Variants in HOOK3 observed in about 807,000 individuals in gnomAD.
HOOK3 encodes the protein hook microtubule tethering protein 3, also known as protein Hook homolog 3.
In HOOK3, 24 loss-of-function variants were observed where a neutral mutation model predicts 116.3. The observed-to-expected ratio is 0.21, with a 90% CI of 0.15 to 0.29. HOOK3 has a LOEUF of 0.29. Ranked by LOEUF, HOOK3 falls within the 10% of genes least tolerant of loss-of-function variation. The pLI, the probability that HOOK3 is intolerant of heterozygous loss-of-function variation, is 1.00. For missense variants in HOOK3, 632 were observed against 830.2 expected (o/e 0.76, Z 2.93); for synonymous variants, 275 against 283.0 (o/e 0.97, Z 0.28).
chr8:42,906,652 C>T (rs536952939), intron 2 of HOOK3, among the ~76,000 whole-genome samples: 1 of 152,250 alleles, frequency 6.6e-6, no homozygotes, highest in South Asian at 2.1e-4. Context: ...AACGACAATT[C>T]CCTTATACTT....
At chr8:43,012,229 G>A (rs760213823) in intron 19 of HOOK3, among the ~76,000 whole-genome samples, 2 of 152,216 alleles carry the variant, frequency 1.3e-5, no homozygotes, top group Non-Finnish European at 2.9e-5. Context: ...ATTGTAGAGT[G>A]TACTTATGCA....
intron 2 of HOOK3, among the ~76,000 whole-genome samples, chr8:42,919,679 G>A (rs1048426252): frequency 3.3e-5 from 5 of 152,216 alleles, no homozygotes; most frequent in African/African-American, 4.8e-5. Flanking sequence ...GCGAGACTCC[G>A]TCTGCAATCC....
chr8:42,929,075 A>G (rs1261880429), intron 3 of HOOK3, among the ~76,000 whole-genome samples: 2 of 152,124 alleles, frequency 1.3e-5, no homozygotes, highest in Non-Finnish European at 2.9e-5. Flanking sequence ...TAAAGATAAG[A>G]TGTAGCTTTT....
chr8:42,951,895 C>T (rs767471781), intron 6 of HOOK3, among the ~76,000 whole-genome samples: 7 of 151,358 alleles, frequency 4.6e-5, no homozygotes, highest in Non-Finnish European at 5.9e-5. Flanking sequence ...GAGTTGAGAT[C>T]GCACCACTGT....
intron 8 of HOOK3, among the ~76,000 whole-genome samples, chr8:42,962,345 TA>T (rs1487453185): frequency 1.4e-5 from 2 of 147,034 alleles, no homozygotes; most frequent in Non-Finnish European, 3.0e-5. Context: ...CAAGCAGTCC[TA>T]CCAACTTGGC....
chr8:43,026,059 G>C lies in HOOK3; in HGVS notation c.*7561G>C, dbSNP rs895225540. The C allele has an allele frequency of 4.8e-6, 1 of 208,172 alleles. No individual in the cohort carries two copies. Among genetic ancestry groups the C allele is most frequent in the Non-Finnish European group, 9.8e-6 (1 of 102,194 alleles). The allele number at this position is 208,172 out of a possible 1,614,324, so 12.9% of individuals were successfully genotyped here. On this transcript the variant is annotated 3_prime_UTR_variant, in exon 22 of 22. Transcript: ENST00000307602. ...GAGAGAAAGAAGACTACCAAAGCAT[G>C]TTGAGGCTTTAACATGGGAGACTTC...
At chr8:42,955,379 C>T (rs1808414658) in intron 6 of HOOK3, among the ~76,000 whole-genome samples, 1 of 152,110 alleles carries the variant, frequency 6.6e-6, no homozygotes, top group South Asian at 2.1e-4. Flanking sequence ...CGTGGGATGA[C>T]TTTAGCAGTC....
chr8:42,953,348 G>A (rs564099239), intron 6 of HOOK3, among the ~76,000 whole-genome samples: 2 of 150,862 alleles, frequency 1.3e-5, no homozygotes, highest in Non-Finnish European at 2.9e-5. Context: ...GGTGGATCAC[G>A]AGGTCAGGAG....
chr8:42,910,217 T>C (rs1284792777), intron 2 of HOOK3, among the ~76,000 whole-genome samples: 1 of 152,102 alleles, frequency 6.6e-6, no homozygotes, highest in Non-Finnish European at 1.5e-5. Flanking sequence ...TTTGAAAATT[T>C]TTTTTCATGA....
intron 2 of HOOK3, among the ~76,000 whole-genome samples, chr8:42,918,318 A>C (rs1450385292): frequency 6.6e-6 from 1 of 152,248 alleles, no homozygotes; most frequent in African/African-American, 2.4e-5. Flanking sequence ...AGCCTGGGCA[A>C]CAAAGCGAGA....
At chr8:42,916,963 ATTAAAG>A (rs1807545181) in intron 2 of HOOK3, among the ~76,000 whole-genome samples, 1 of 152,138 alleles carries the variant, frequency 6.6e-6, no homozygotes, top group Admixed American at 6.5e-5. Context: ...GACCCCACAA[ATTAAAG>A]TTAAGGTCCC....
intron 13 of HOOK3, among the ~76,000 whole-genome samples, chr8:42,974,731 C>T (rs1327331910): frequency 6.6e-6 from 1 of 152,194 alleles, no homozygotes. Context: ...CCAAATTAGT[C>T]ACACCTGCCT....
At chr8:42,960,882 G>T (rs1229976193) in intron 8 of HOOK3, among the ~76,000 whole-genome samples, 1 of 152,104 alleles carries the variant, frequency 6.6e-6, no homozygotes, top group East Asian at 1.9e-4. Context: ...TTGTTGTAAA[G>T]AAATACCCAA....
At chr8:43,010,099 T>C (rs897823122) in intron 18 of HOOK3, among the ~76,000 whole-genome samples, 1 of 148,546 alleles carries the variant, frequency 6.7e-6, no homozygotes, top group African/African-American at 2.4e-5. Flanking sequence ...AGAAAATCTT[T>C]TTGTAAAAAA....
At chr8:43,006,543 G>A (rs1455655060) in intron 17 of HOOK3, among the ~76,000 whole-genome samples, 1 of 151,956 alleles carries the variant, frequency 6.6e-6, no homozygotes, top group Non-Finnish European at 1.5e-5. Flanking sequence ...GGCTGGTCTC[G>A]AACTCCTGAG....
At chr8:42,934,613 G>C (rs111428057) in intron 4 of HOOK3, among the ~76,000 whole-genome samples, 3 of 151,516 alleles carry the variant, frequency 2.0e-5, no homozygotes, top group Non-Finnish European at 4.4e-5. Flanking sequence ...TCACTGTTCA[G>C]TTCCCACCCA....
Position 43,010,355 on chromosome 8 carries a change from A to G in HOOK3, c.1789A>G (p.Met597Val), listed in dbSNP as rs978853867. The change falls in exon 19 of 22, where the codon ATG becomes GTG. Residue 597 changes from methionine (M) to valine (V), a missense_variant. By Grantham distance (21) the Met-to-Val change is conservative (BLOSUM62 1). Transcript: ENST00000307602. The stretch of plus-strand genomic sequence containing the variant: ...AGCTTTACGAAAGAAAGAGGAAGAA[A>G]TGAAGCAAATGGAAGAACGATACAA... ...QEALRKKEEE[M>V]KQMEERYKKY... 7 of 1,498,210 alleles carry G rather than the reference A, an allele frequency of 4.7e-6. No individual in the cohort carries two copies. The highest frequency in any genetic ancestry group is 6.2e-6 in the Non-Finnish European group (7 of 1,123,804). The allele number at this position is 1,498,210 out of a possible 1,614,324, so 92.8% of individuals were successfully genotyped here.
intron 3 of HOOK3, among the ~76,000 whole-genome samples, chr8:42,929,525 T>A (rs1043230459): frequency 3.9e-5 from 6 of 152,142 alleles, no homozygotes; most frequent in African/African-American, 1.2e-4. Flanking sequence ...AAGAAAAAAA[T>A]TATAGTTTAC....
chr8:42,921,522 G>C (rs990952265), intron 2 of HOOK3, among the ~76,000 whole-genome samples: 1 of 152,130 alleles, frequency 6.6e-6, no homozygotes, highest in African/African-American at 2.4e-5. Flanking sequence ...TAAGCAAAGA[G>C]AACACTTTTG....
Sources: gnomAD v4.1 joint callset for allele counts (sites outside exome capture counted in the v4.1 genomes callset) on GRCh38, gnomAD v4.1.1 for gene constraint, MANE v1.5 for transcripts, NCBI Gene and HGNC (gene_info 2026-07-23, HGNC 2026-07-21) for gene names.